RBFOX1: variants seen among roughly 807,000 people sequenced by gnomAD.
RBFOX1 encodes the protein RNA binding fox-1 homolog 1, also known as RNA binding protein fox-1 homolog 1.
In RBFOX1, 8 loss-of-function variants were observed where a neutral mutation model predicts 57.7. That is an observed-to-expected ratio of 0.14 (90% CI 0.08 to 0.25). The LOEUF (loss-of-function observed/expected upper bound fraction) is 0.25, where lower values mean the gene tolerates loss of function less well. Ranked by LOEUF, RBFOX1 falls within the 10% of genes least tolerant of loss-of-function variation. RBFOX1 has a pLI of 1.00. For missense variants in RBFOX1, 611 were observed against 548.5 expected (o/e 1.11, Z -1.14); for synonymous variants, 326 against 222.4 (o/e 1.47, Z -4.15).
At chr16:7,223,626 C>T (rs767720996) in intron 4 of RBFOX1, among the ~76,000 whole-genome samples, 2 of 149,094 alleles carry the variant, frequency 1.3e-5, no homozygotes, top group South Asian at 2.1e-4. Flanking sequence ...TGCTTTCAAG[C>T]ATTATGCTAT....
chr16:6,832,564 G>C (rs555990363), intron 3 of RBFOX1, among the ~76,000 whole-genome samples: 36 of 152,290 alleles, frequency 2.4e-4, no homozygotes, highest in African/African-American at 8.7e-4. Flanking sequence ...GGTCTCAGGG[G>C]CTGGGTGCTT....
At chr16:7,448,803 G>GTA (rs2098828081) in intron 4 of RBFOX1, among the ~76,000 whole-genome samples, 1 of 151,860 alleles carries the variant, frequency 6.6e-6, no homozygotes, top group South Asian at 2.1e-4. Flanking sequence ...TAATCTTCTT[G>GTA]TAAGGGCACC....
intron 2 of RBFOX1, among the ~76,000 whole-genome samples, chr16:6,613,529 A>G (rs1030827749): frequency 2.0e-5 from 3 of 152,188 alleles, no homozygotes; most frequent in Non-Finnish European, 4.4e-5. Context: ...GACATTGTAA[A>G]ATATGATATG....
intron 4 of RBFOX1, among the ~76,000 whole-genome samples, chr16:7,409,018 G>A (rs1343522838): frequency 6.6e-6 from 1 of 152,046 alleles, no homozygotes; most frequent in African/African-American, 2.4e-5. Context: ...CTTTCTCCTG[G>A]GCTGGGCTTT....
intron 3 of RBFOX1, among the ~76,000 whole-genome samples, chr16:6,750,414 A>G (rs771137429): frequency 2.0e-5 from 3 of 152,232 alleles, no homozygotes; most frequent in South Asian, 2.1e-4. Context: ...AGCTGAAACC[A>G]GGGTGGCTCA....
chr16:6,954,769 A>C (rs1057214558), intron 3 of RBFOX1, among the ~76,000 whole-genome samples: 2 of 152,114 alleles, frequency 1.3e-5, no homozygotes, highest in Admixed American at 6.6e-5. Context: ...TTAAATCATC[A>C]CCTGACTTGA....
At chr16:7,108,518 G>T (rs989171490) in intron 4 of RBFOX1, among the ~76,000 whole-genome samples, 1 of 152,084 alleles carries the variant, frequency 6.6e-6, no homozygotes, top group African/African-American at 2.4e-5. Flanking sequence ...ATGTTTCTAG[G>T]TACTGAGTAT....
intron 4 of RBFOX1, among the ~76,000 whole-genome samples, chr16:5,949,929 G>C (rs1319120501): frequency 6.6e-6 from 1 of 152,158 alleles, no homozygotes; most frequent in Non-Finnish European, 1.5e-5. Context: ...GGGCCTCTCT[G>C]ACTGGCCCCC....
chr16:6,138,058 A>C (rs552341062), intron 1 of RBFOX1, among the ~76,000 whole-genome samples: 1 of 152,320 alleles, frequency 6.6e-6, no homozygotes, highest in African/African-American at 2.4e-5. Flanking sequence ...TAGTGGCCTC[A>C]CAGGTTATTT....
intron 1 of RBFOX1, among the ~76,000 whole-genome samples, chr16:5,385,100 T>G (rs988666995): frequency 5.9e-5 from 9 of 152,370 alleles, no homozygotes; most frequent in African/African-American, 1.9e-4. Context: ...TCAACATTAG[T>G]AATTATTATT....
chr16:5,393,937 C>T (rs2066480401), intron 1 of RBFOX1, among the ~76,000 whole-genome samples: 1 of 152,206 alleles, frequency 6.6e-6, no homozygotes, highest in Non-Finnish European at 1.5e-5. Context: ...AAACTTGACT[C>T]TTCTCGGCAC....
intron 4 of RBFOX1, among the ~76,000 whole-genome samples, chr16:7,319,482 T>C (rs2096504685): frequency 6.6e-6 from 1 of 152,202 alleles, no homozygotes; most frequent in Non-Finnish European, 1.5e-5. Context: ...GGTCAGTGTT[T>C]GTATGTCTGG....
intron 3 of RBFOX1, among the ~76,000 whole-genome samples, chr16:6,876,215 C>T (rs754394004): frequency 6.6e-6 from 1 of 151,938 alleles, no homozygotes; most frequent in Non-Finnish European, 1.5e-5. Flanking sequence ...AAACAAAAAG[C>T]ATCAGCAACA....
chr16:6,427,003 A>G (rs79962430), intron 2 of RBFOX1, among the ~76,000 whole-genome samples: 5,644 of 152,226 alleles, frequency 0.037, 378 homozygotes, highest in African/African-American at 0.13. Context: ...TGTGATTCCA[A>G]TGCAGACTAT....
At chr16:6,444,502 A>G (rs182223020) in intron 2 of RBFOX1, among the ~76,000 whole-genome samples, 17 of 152,288 alleles carry the variant, frequency 1.1e-4, no homozygotes, top group Admixed American at 8.5e-4. Context: ...GGTTTTATAA[A>G]GAGAAGTTTC....
In RBFOX1 at chr16:6,822,691, A is replaced by G. The variant is rs1226973103; in HGVS notation, c.-16+168041A>G. Among the ~76,000 whole-genome samples the G allele has an allele frequency of 2.6e-5, 4 of 152,174 alleles. No homozygotes were observed. The East Asian group carries it at 7.7e-4, about 29-fold the overall frequency. On this transcript the variant is annotated intron_variant, in intron 3 of 15. Transcript: ENST00000550418. ...CTTTTACACGCTATGGTGTGTTTTTAAAGATCCAAGCTCTGCTTTCTTCAG... is the reference window on the plus strand; with the variant it reads ...CTTTTACACGCTATGGTGTGTTTTTGAAGATCCAAGCTCTGCTTTCTTCAG...
At chr16:5,756,196 A>G (rs114442707) in intron 3 of RBFOX1, among the ~76,000 whole-genome samples, 1,384 of 111,674 alleles carry the variant, frequency 0.012, 36 homozygotes, top group African/African-American at 0.046. Flanking sequence ...ATTTCTGTGA[A>G]CCCCCTTCTT....
At chr16:5,905,917 G>A (rs935542048) in intron 4 of RBFOX1, among the ~76,000 whole-genome samples, 29 of 152,158 alleles carry the variant, frequency 1.9e-4, no homozygotes, top group African/African-American at 6.5e-4. Flanking sequence ...GACGATGGAG[G>A]ATAAGAAGGT....
At chr16:6,908,719 C>A (rs907285491) in intron 3 of RBFOX1, among the ~76,000 whole-genome samples, 1 of 152,148 alleles carries the variant, frequency 6.6e-6, no homozygotes, top group Non-Finnish European at 1.5e-5. Context: ...GGTCAGAATG[C>A]CTTGTCCTCA....
Sources: gnomAD v4.1 joint callset for allele counts (sites outside exome capture counted in the v4.1 genomes callset) on GRCh38, gnomAD v4.1.1 for gene constraint, MANE v1.5 for transcripts, NCBI Gene and HGNC (gene_info 2026-07-23, HGNC 2026-07-21) for gene names.